The following GALNTL5 variants were observed in gnomAD, a reference collection of about 807,000 sequenced individuals.
GALNTL5 encodes polypeptide N-acetylgalactosaminyltransferase like 5.
GALNTL5 carries 44 observed loss-of-function variants against 51.0 expected under a neutral mutation model. The ratio of observed to expected loss-of-function variants is 0.86; its 90% CI spans 0.68 to 1.11. GALNTL5 has a LOEUF of 1.11. Among genes scored for constraint, GALNTL5 ranks in the 50% least tolerant of loss-of-function variants. The pLI is 0.00. For synonymous variants in GALNTL5, 192 were observed against 182.8 expected, an observed-to-expected ratio of 1.05 and a Z score of -0.41; for missense variants, 528 against 531.8, an observed-to-expected ratio of 0.99 and a Z score of 0.07.
intron 3 of GALNTL5, among the ~76,000 whole-genome samples, chr7:151,972,615 G>T (rs2081159076): frequency 6.6e-6 from 1 of 152,148 alleles, no homozygotes; most frequent in Admixed American, 6.5e-5. Context: ...GGTGCCCTGT[G>T]TCCCAGCCAC....
At chr7:152,016,515 C>T (rs1006917249) in intron 8 of GALNTL5, among the ~76,000 whole-genome samples, 5 of 152,012 alleles carry the variant, frequency 3.3e-5, no homozygotes, top group African/African-American at 1.2e-4. Context: ...CTGAAAATGG[C>T]GTGGCAGCAC....
chr7:152,016,018 TAATG>T (rs1483899648), intron 8 of GALNTL5, among the ~76,000 whole-genome samples: 2 of 152,206 alleles, frequency 1.3e-5, no homozygotes, highest in African/African-American at 4.8e-5. Flanking sequence ...ATGAAGGTAA[TAATG>T]CTCCATTTCT....
At chr7:151,987,696 AAG>A (rs1200093448) in intron 5 of GALNTL5, among the ~76,000 whole-genome samples, 1 of 152,170 alleles carries the variant, frequency 6.6e-6, no homozygotes, top group African/African-American at 2.4e-5. Context: ...AAATAAGAGA[AAG>A]AGTTTATGGG....
chr7:151,988,414 C>T (rs1442410608), intron 5 of GALNTL5, among the ~76,000 whole-genome samples: 2 of 152,170 alleles, frequency 1.3e-5, no homozygotes, highest in African/African-American at 4.8e-5. Context: ...AAGGGCATTC[C>T]TCAGGCTGCA....
intron 4 of GALNTL5, chr7:151,984,048 C>T (rs534041027): frequency 1.3e-5 from 2 of 152,216 alleles, no homozygotes; most frequent in South Asian, 4.2e-4. Flanking sequence ...AACCCCATCA[C>T]TTAAAAAAAG....
chr7:151,969,660 C>T (rs868609667), intron 2 of GALNTL5, among the ~76,000 whole-genome samples: 29 of 152,164 alleles, frequency 1.9e-4, no homozygotes, highest in African/African-American at 7.0e-4. Flanking sequence ...TAGGGTCTTT[C>T]TGCTGCATTT....
At chr7:152,005,259 G>A (rs1242083386) in intron 6 of GALNTL5, among the ~76,000 whole-genome samples, 1 of 152,082 alleles carries the variant, frequency 6.6e-6, no homozygotes, top group African/African-American at 2.4e-5. Context: ...ATCATGCCTA[G>A]GGCTTAAGCC....
At chr7:151,970,021 A>T (rs2081112862) in intron 2 of GALNTL5, among the ~76,000 whole-genome samples, 2 of 151,278 alleles carry the variant, frequency 1.3e-5, no homozygotes, top group South Asian at 4.2e-4. Flanking sequence ...CGTGTTAGCC[A>T]GGATGGTGTT....
intron 3 of GALNTL5, among the ~76,000 whole-genome samples, chr7:151,982,634 C>CAA (rs60682039): frequency 9.4e-5 from 12 of 127,090 alleles, no homozygotes; most frequent in African/African-American, 3.6e-4. Flanking sequence ...ATGGTGACAG[C>CAA]AAAAAAAAAA....
intron 3 of GALNTL5, among the ~76,000 whole-genome samples, chr7:151,981,000 C>A (rs1014160639): frequency 2.0e-5 from 3 of 152,072 alleles, no homozygotes; most frequent in Admixed American, 6.5e-5. Flanking sequence ...CCTCCTCAGC[C>A]TCCCAAAGTG....
intron 3 of GALNTL5, among the ~76,000 whole-genome samples, chr7:151,974,414 G>A (rs1372445347): frequency 6.6e-6 from 1 of 152,102 alleles, no homozygotes; most frequent in Admixed American, 6.6e-5. Context: ...GACAAAAAGG[G>A]CCAATATTCT....
At chr7:151,999,818 C>G (rs2081548374) in intron 5 of GALNTL5, among the ~76,000 whole-genome samples, 1 of 152,156 alleles carries the variant, frequency 6.6e-6, no homozygotes, top group Admixed American at 6.5e-5. Flanking sequence ...AAAAATGGGA[C>G]TCTTGTTAGC....
intron 5 of GALNTL5, 62 bp downstream of exon 5, chr7:151,987,343 G>A (rs995109238): frequency 1.0e-5 from 15 of 1,448,170 alleles, no homozygotes; most frequent in South Asian, 1.0e-4. Context: ...CCTTCTGAGC[G>A]GGACTCCTCT....
intron 5 of GALNTL5, among the ~76,000 whole-genome samples, chr7:151,991,386 C>T (rs772740348): frequency 5.9e-5 from 9 of 152,268 alleles, no homozygotes; most frequent in East Asian, 3.9e-4. Flanking sequence ...CCACTGCGCA[C>T]GGCCTGATAC....
At chr7:152,008,059 G>C (rs890752819) in intron 7 of GALNTL5, 115 bp downstream of exon 7, 2 of 645,622 alleles carry the variant, frequency 3.1e-6, no homozygotes, top group South Asian at 2.0e-5. Flanking sequence ...TACCATTCCA[G>C]CAGCACATGC....
At chr7:151,966,608 A>C (rs1009274874) in intron 1 of GALNTL5, among the ~76,000 whole-genome samples, 1 of 152,172 alleles carries the variant, frequency 6.6e-6, no homozygotes, top group Non-Finnish European at 1.5e-5. Context: ...ACTTCAATAA[A>C]CATTCTTGTA....
At chr7:151,967,078 C>A in intron 1 of GALNTL5, 130 bp from the exon 2 acceptor site, 1 of 586,300 alleles carries the variant, frequency 1.7e-6, no homozygotes, top group Non-Finnish European at 3.0e-6. Context: ...TAAGGACACA[C>A]TTTATGTATA....
chr7:152,006,352 G>A (rs575487300), intron 6 of GALNTL5, among the ~76,000 whole-genome samples: 23 of 152,206 alleles, frequency 1.5e-4, no homozygotes, highest in Non-Finnish European at 2.6e-4. Flanking sequence ...GCTTTAATAC[G>A]AAAGAGAGAA....
chr7:151,981,025 T>A (rs57578446), intron 3 of GALNTL5, among the ~76,000 whole-genome samples: 7,214 of 151,966 alleles, frequency 0.047, 254 homozygotes, highest in East Asian at 0.18. Context: ...GATTACAGGC[T>A]TGAGCCACCG....
Sources: allele counts gnomAD v4.1 joint callset (sites outside exome capture counted in the v4.1 genomes callset), GRCh38; gene constraint gnomAD v4.1.1; transcripts MANE v1.5; gene names NCBI Gene and HGNC (gene_info 2026-07-23, HGNC 2026-07-21).